The following ME2 variants were observed in gnomAD, a reference collection of about 807,000 sequenced individuals.
The protein encoded by ME2 is NAD-dependent malic enzyme, mitochondrial.
Under a neutral mutation model 73.7 loss-of-function variants are expected in ME2, and 60 were observed. The observed-to-expected ratio is 0.81, with a 90% confidence interval of 0.66 to 1.01. The LOEUF (loss-of-function observed/expected upper bound fraction) is 1.01. Ranked by LOEUF, ME2 falls within the 50% of genes least tolerant of loss-of-function variation. ME2 has a pLI of 0.00. For synonymous variants in ME2, 199 were observed against 236.9 expected (o/e 0.84, Z 1.47); for missense variants, 594 against 705.5 (o/e 0.84, Z 1.79).
At chr18:50,882,746 C>A (rs533958065) in intron 1 of ME2, among the ~76,000 whole-genome samples, 1 of 152,016 alleles carries the variant, frequency 6.6e-6, no homozygotes, top group Non-Finnish European at 1.5e-5. Flanking sequence ...GTCAGGAGTT[C>A]GAGACCAGCC....
rs777034618 is a variant in ME2 at position 50,924,156 on chromosome 18, G to A, written c.1115G>A (p.Ser372Asn). The change falls in exon 11 of 16, where the codon AGC becomes AAC. Residue 372 changes from serine (S) to asparagine (N), a missense_variant. Coordinates refer to ENST00000321341, the MANE Select transcript of ME2 (RefSeq NM_002396.5). ...QEPFTHSAPE[S>N]IPDTFEDAVN... The stretch of plus-strand genomic sequence containing the variant: ...CCATTTACTCACTCAGCCCCAGAGA[G>A]CATACCTGATACTTTTGAAGATGCA... 35 of 1,613,382 alleles carry A rather than the reference G, an allele frequency of 2.2e-5. No homozygotes were observed. In the South Asian group the frequency reaches 2.4e-4, roughly 11 times the overall value.
intron 13 of ME2, chr18:50,935,149 A>C (rs1291066305): frequency 6.6e-6 from 1 of 152,170 alleles, no homozygotes; most frequent in East Asian, 1.9e-4. Context: ...TGCCCAGCGG[A>C]AGCAAACAAA....
At chr18:50,882,320 A>G (rs1916343975) in intron 1 of ME2, among the ~76,000 whole-genome samples, 1 of 152,146 alleles carries the variant, frequency 6.6e-6, no homozygotes, top group Non-Finnish European at 1.5e-5. Flanking sequence ...TGACTCCAGA[A>G]CTTGCCCTTT....
intron 15 of ME2, among the ~76,000 whole-genome samples, chr18:50,944,790 GA>G (rs1392248359): frequency 7.2e-5 from 11 of 152,118 alleles, no homozygotes; most frequent in African/African-American, 2.7e-4. Flanking sequence ...TGCCACAAGT[GA>G]GAGTTTCTGT....
intron 1 of ME2, among the ~76,000 whole-genome samples, chr18:50,889,850 T>C (rs1252449591): frequency 6.6e-6 from 1 of 152,180 alleles, no homozygotes; most frequent in African/African-American, 2.4e-5. Context: ...AAGCCTAATA[T>C]GTTTCGCTTG....
intron 1 of ME2, among the ~76,000 whole-genome samples, chr18:50,879,826 C>T (rs1212447060): frequency 6.6e-6 from 1 of 152,194 alleles, no homozygotes; most frequent in Non-Finnish European, 1.5e-5. Flanking sequence ...CCGATTCCGT[C>T]TATTATTAAA....
In ME2 at chr18:50,920,803, T is replaced by C. The variant is rs531338985; in HGVS notation, c.942+45T>C. 72 of 1,412,644 alleles carry C rather than the reference T, an allele frequency of 5.1e-5. No homozygotes were observed. In the South Asian group the frequency reaches 7.8e-4, roughly 15 times the overall value. The allele number at this position is 1,412,644 out of a possible 1,614,324, so 87.5% of individuals were successfully genotyped here. On this transcript the variant is annotated intron_variant, in intron 9 of 15. Transcript: ENST00000321341. Reference sequence around the variant, plus strand: ...TGAAACTTAAGCCTATCCTCTCTTATAGAATTAGAAAATGGGCAGAATATT... The same window carrying C: ...TGAAACTTAAGCCTATCCTCTCTTACAGAATTAGAAAATGGGCAGAATATT...
chr18:50,917,416 C>G lies in ME2; in HGVS notation c.538C>G (p.Pro180Ala). 6.2e-7 allele frequency: 1 copy of G among 1,613,296 alleles called. No individual in the cohort carries two copies. Among genetic ancestry groups the G allele is most frequent in the Non-Finnish European group, 8.5e-7 (1 of 1,179,516 alleles). ...TCTGGGTGTCTATGGAATGGGAATT[C>G]CAGTAGGAAAACTTTGTTTGTATAC... ...GDLGVYGMGI[P>A]VGKLCLYTAC... Residue 180 changes from proline to alanine, a missense_variant, in exon 6 of 16, where the codon CCA (proline) becomes GCA (alanine). Coordinates refer to ENST00000321341, the MANE Select transcript of ME2 (RefSeq NM_002396.5).
At chr18:50,904,475 G>C (rs559549384) in intron 2 of ME2, among the ~76,000 whole-genome samples, 1 of 151,886 alleles carries the variant, frequency 6.6e-6, no homozygotes, top group East Asian at 1.9e-4. Flanking sequence ...GTAGAGATGG[G>C]GTTTCACCAT....
chr18:50,919,968 T>C (rs1034396441), intron 7 of ME2, among the ~76,000 whole-genome samples: 15 of 152,292 alleles, frequency 9.8e-5, no homozygotes, highest in South Asian at 8.3e-4. Context: ...TACTTTTTGT[T>C]CTTTCAGGGC....
At chr18:50,943,584 G>A (rs192090263) in intron 15 of ME2, among the ~76,000 whole-genome samples, 2 of 152,258 alleles carry the variant, frequency 1.3e-5, no homozygotes, top group African/African-American at 2.4e-5. Flanking sequence ...GATTATAGAT[G>A]TGAGCCACTG....
At chr18:50,918,059 TTAAAC>T (rs1464409487) in intron 6 of ME2, 46 bp from the exon 7 acceptor site, 4 of 1,251,944 alleles carry the variant, frequency 3.2e-6, no homozygotes, top group Non-Finnish European at 4.4e-6. Context: ...TTGTATGTGT[TTAAAC>T]TGATTATATA....
At chr18:50,943,556 G>T (rs1918012995) in intron 15 of ME2, among the ~76,000 whole-genome samples, 1 of 151,998 alleles carries the variant, frequency 6.6e-6, no homozygotes, top group Admixed American at 6.6e-5. Flanking sequence ...TGCCCACCTT[G>T]GCCTCCCAAA....
intron 10 of ME2, among the ~76,000 whole-genome samples, chr18:50,923,327 A>G (rs1488230635): frequency 6.6e-6 from 1 of 152,220 alleles, no homozygotes; most frequent in Non-Finnish European, 1.5e-5. Context: ...ACTCAAACTA[A>G]TAAGAAGCTC....
At chr18:50,896,568 TTAAATAGTAAG>T (rs1397751303) in intron 2 of ME2, among the ~76,000 whole-genome samples, 1 of 152,186 alleles carries the variant, frequency 6.6e-6, no homozygotes, top group African/African-American at 2.4e-5. Context: ...AGTGGCAATA[TTAAATAGTAAG>T]TAAAAGTTCT....
chr18:50,879,194 G>C lies in ME2; in HGVS notation c.-127G>C, dbSNP rs1052477444. On this transcript the variant is annotated 5_prime_UTR_variant, in exon 1 of 16. Coordinates refer to ENST00000321341, the MANE Select transcript of ME2 (RefSeq NM_002396.5). ...GTGAGCCTGAGCTGACGGCGGCTCC[G>C]GGAGGCTCGCAGAAGGGGAGGGCCG... The C allele has an allele frequency of 6.6e-6, 1 of 152,390 alleles. No homozygotes were observed. The highest frequency in any genetic ancestry group is 1.5e-5 in the Non-Finnish European group (1 of 68,216). The allele number at this position is 152,390 out of a possible 1,614,324, so 9.4% of individuals were successfully genotyped here.
At chr18:50,888,767 A>G (rs977850247) in intron 1 of ME2, among the ~76,000 whole-genome samples, 1 of 152,186 alleles carries the variant, frequency 6.6e-6, no homozygotes, top group Admixed American at 6.5e-5. Flanking sequence ...GGTCATAACA[A>G]TGTATTAAAT....
chr18:50,902,059 C>G (rs1759162607), intron 2 of ME2, among the ~76,000 whole-genome samples: 1 of 152,166 alleles, frequency 6.6e-6, no homozygotes, highest in Non-Finnish European at 1.5e-5. Flanking sequence ...CTAATGGACT[C>G]TATTTAGAAT....
At chr18:50,904,017 A>C (rs1916951770) in intron 2 of ME2, among the ~76,000 whole-genome samples, 1 of 152,198 alleles carries the variant, frequency 6.6e-6, no homozygotes, top group Non-Finnish European at 1.5e-5. Context: ...GCTCTGCTTC[A>C]TGTATTCTGG....
Sources: allele counts gnomAD v4.1 joint callset (sites outside exome capture counted in the v4.1 genomes callset), GRCh38; gene constraint gnomAD v4.1.1; transcripts MANE v1.5; gene names NCBI Gene and HGNC (gene_info 2026-07-23, HGNC 2026-07-21).